RBFOX1: variants seen among roughly 807,000 people sequenced by gnomAD.
The protein encoded by RBFOX1 is RNA binding protein fox-1 homolog 1.
A neutral mutation model predicts 57.7 loss-of-function variants in RBFOX1; 8 were observed. The ratio of observed to expected loss-of-function variants is 0.14; its 90% CI spans 0.08 to 0.25. RBFOX1 has a LOEUF of 0.25. RBFOX1 is among the 10% of genes least tolerant of loss of function. RBFOX1 has a pLI of 1.00. For synonymous variants in RBFOX1, 326 were observed against 222.4 expected (o/e 1.47, Z -4.15); for missense variants, 611 against 548.5 (o/e 1.11, Z -1.14).
intron 2 of RBFOX1, among the ~76,000 whole-genome samples, chr16:6,559,254 G>C (rs2097147266): frequency 6.6e-6 from 1 of 151,916 alleles, no homozygotes; most frequent in African/African-American, 2.4e-5. Flanking sequence ...AACCAAAAGT[G>C]TCTAATTAGA....
intron 3 of RBFOX1, among the ~76,000 whole-genome samples, chr16:5,632,241 G>T (rs972765579): frequency 2.0e-5 from 3 of 152,334 alleles, no homozygotes; most frequent in African/African-American, 4.8e-5. Flanking sequence ...GAGACAACTA[G>T]CCACAGTCTG....
intron 1 of RBFOX1, among the ~76,000 whole-genome samples, chr16:6,272,869 C>G (rs1414779192): frequency 6.6e-6 from 1 of 152,118 alleles, no homozygotes; most frequent in Non-Finnish European, 1.5e-5. Flanking sequence ...ACTAGAGAAA[C>G]TGGGAATTCT....
chr16:6,049,026 C>T (rs547727183), intron 1 of RBFOX1, among the ~76,000 whole-genome samples: 21 of 147,760 alleles, frequency 1.4e-4, no homozygotes, highest in East Asian at 1.2e-3. Flanking sequence ...GCCATTTTGA[C>T]GATCGACCCC....
chr16:7,398,155 A>G (rs981163769), intron 4 of RBFOX1, among the ~76,000 whole-genome samples: 5 of 152,178 alleles, frequency 3.3e-5, no homozygotes, highest in African/African-American at 7.2e-5. Flanking sequence ...CCTCTTTTGG[A>G]CCCATTTCAA....
intron 13 of RBFOX1, among the ~76,000 whole-genome samples, chr16:7,670,999 G>T (rs893318120): frequency 6.6e-6 from 1 of 152,156 alleles, no homozygotes. Flanking sequence ...TATACTCACA[G>T]TTCTCTAGTC....
chr16:7,359,547 G>C (rs1268934806), intron 4 of RBFOX1, among the ~76,000 whole-genome samples: 1 of 152,196 alleles, frequency 6.6e-6, no homozygotes, highest in Non-Finnish European at 1.5e-5. Flanking sequence ...ACTTGTGTGT[G>C]AATCATCTGA....
chr16:5,671,993 C>G (rs530853888), intron 3 of RBFOX1, among the ~76,000 whole-genome samples: 5 of 152,138 alleles, frequency 3.3e-5, no homozygotes, highest in African/African-American at 1.2e-4. Flanking sequence ...GTCCTATGTT[C>G]TTCAGGTAAC....
intron 1 of RBFOX1, among the ~76,000 whole-genome samples, chr16:5,286,863 TACAA>T (rs1190188009): frequency 2.0e-5 from 3 of 152,250 alleles, no homozygotes; most frequent in Non-Finnish European, 4.4e-5. Flanking sequence ...ATTTAATTTA[TACAA>T]ACAGTCAGAG....
chr16:5,492,409 G>T (rs950797257), intron 2 of RBFOX1, among the ~76,000 whole-genome samples: 2 of 152,216 alleles, frequency 1.3e-5, no homozygotes, highest in African/African-American at 4.8e-5. Context: ...TTAATGAGGG[G>T]AGAGAGTTGG....
chr16:7,684,033 G>T (rs901074052), intron 14 of RBFOX1, among the ~76,000 whole-genome samples: 3 of 152,032 alleles, frequency 2.0e-5, no homozygotes, highest in African/African-American at 7.2e-5. Flanking sequence ...AAGATAAGAT[G>T]AAATTTTTCA....
intron 1 of RBFOX1, among the ~76,000 whole-genome samples, chr16:5,425,751 C>G (rs1049862051): frequency 2.0e-5 from 3 of 152,178 alleles, no homozygotes; most frequent in African/African-American, 7.2e-5. Flanking sequence ...CTGGTCCACA[C>G]TGTCCTCAGG....
chr16:5,370,521 C>A (rs2065831805), intron 1 of RBFOX1, among the ~76,000 whole-genome samples: 1 of 149,600 alleles, frequency 6.7e-6, no homozygotes, highest in African/African-American at 2.5e-5. Context: ...AAGATAGCGT[C>A]TCACTTTGTC....
At chr16:7,417,557 T>TGTGTGTGC (rs2098495476) in intron 4 of RBFOX1, among the ~76,000 whole-genome samples, 1 of 151,962 alleles carries the variant, frequency 6.6e-6, no homozygotes. Flanking sequence ...TGTGTGTGTG[T>TGTGTGTGC]GTGTTCACTT....
intron 4 of RBFOX1, among the ~76,000 whole-genome samples, chr16:5,984,142 T>C (rs191076832): frequency 1.1e-3 from 15 of 13,124 alleles, no homozygotes; most frequent in Non-Finnish European, 1.5e-3. Context: ...CCTCCTCCTC[T>C]CCTTCCCCTC....
At chr16:5,699,617 C>G (rs1567413821) in intron 3 of RBFOX1, among the ~76,000 whole-genome samples, 1 of 152,010 alleles carries the variant, frequency 6.6e-6, no homozygotes, top group African/African-American at 2.4e-5. Flanking sequence ...GTTGTCAGCT[C>G]TGGGTAGACA....
At chr16:6,858,744 C>T (rs989056668) in intron 3 of RBFOX1, among the ~76,000 whole-genome samples, 3 of 151,958 alleles carry the variant, frequency 2.0e-5, no homozygotes, top group African/African-American at 4.8e-5. Context: ...ACAGTGTATA[C>T]CAAAAACACA....
At chr16:6,938,214 A>T (rs925894912) in intron 3 of RBFOX1, among the ~76,000 whole-genome samples, 4 of 152,216 alleles carry the variant, frequency 2.6e-5, no homozygotes, top group Admixed American at 2.6e-4. Context: ...GTCATTGTCC[A>T]GATTAGATCA....
chr16:5,587,699 C>A (rs192933645), intron 2 of RBFOX1, among the ~76,000 whole-genome samples: 1 of 151,944 alleles, frequency 6.6e-6, no homozygotes, highest in Non-Finnish European at 1.5e-5. Flanking sequence ...GGCGACAGAG[C>A]GAGACTCTGT....
intron 1 of RBFOX1, among the ~76,000 whole-genome samples, chr16:6,113,062 C>T (rs983100781): frequency 1.3e-5 from 2 of 152,140 alleles, no homozygotes; most frequent in African/African-American, 4.8e-5. Flanking sequence ...CCTCAGATAA[C>T]TTTGCTTACT....
Sources: gnomAD v4.1 joint callset for allele counts (sites outside exome capture counted in the v4.1 genomes callset) on GRCh38, gnomAD v4.1.1 for gene constraint, MANE v1.5 for transcripts, NCBI Gene and HGNC (gene_info 2026-07-23, HGNC 2026-07-21) for gene names.